Variants in SYT7 observed in about 807,000 individuals in gnomAD.
SYT7 encodes the protein synaptotagmin-7.
Under a neutral mutation model 75.1 loss-of-function variants are expected in SYT7, and 29 were observed. The observed-to-expected ratio is 0.39, with a 90% CI of 0.29 to 0.53. The LOEUF is 0.53. Ranked by LOEUF, SYT7 falls within the 20% of genes least tolerant of loss-of-function variation. SYT7 has a pLI of 0.77. For missense variants in SYT7, 693 were observed against 953.2 expected, an observed-to-expected ratio of 0.73 and a Z score of 3.59; for synonymous variants, 376 against 401.7, an observed-to-expected ratio of 0.94 and a Z score of 0.76.
chr11:61,514,118 T>C lies in SYT7; in HGVS notation c.*4509A>G, dbSNP rs1383524858. Among the ~76,000 whole-genome samples, 2 of 151,790 alleles carry C rather than the reference T, an allele frequency of 1.3e-5. No homozygotes were observed. Among genetic ancestry groups the C allele is most frequent in the African/African-American group, 2.4e-5 (1 of 41,284 alleles). On this transcript the variant is annotated 3_prime_UTR_variant, in exon 13 of 13. Coordinates refer to ENST00000539008, the MANE Select transcript of SYT7 (RefSeq NM_001365809.2). Reference sequence around the variant, plus strand: ...GAAGACAGACCCAGAGAAGCAAAAATGGAGGAAGGCAAAAAGTCCAGGGAA... The same window carrying C: ...GAAGACAGACCCAGAGAAGCAAAAACGGAGGAAGGCAAAAAGTCCAGGGAA...
chr11:61,539,114 C>T (rs2062967414), intron 6 of SYT7, among the ~76,000 whole-genome samples: 2 of 152,162 alleles, frequency 1.3e-5, no homozygotes, highest in Non-Finnish European at 2.9e-5. Context: ...CAAGCCAAGG[C>T]GGCGAGAAAG....
In SYT7 at chr11:61,514,334, C is replaced by A. The variant is rs1222981782; in HGVS notation, c.*4293G>T. 1.3e-5 allele frequency among the ~76,000 whole-genome samples: 2 copies of A among 152,230 alleles called. No individual in the cohort carries two copies. Among genetic ancestry groups the A allele is most frequent in the East Asian group, 3.9e-4 (2 of 5,190 alleles). On this transcript the variant is annotated 3_prime_UTR_variant, in exon 13 of 13. Coordinates refer to ENST00000539008, the MANE Select transcript of SYT7 (RefSeq NM_001365809.2). ...CTGGAACAGAGATCAGAAGTGATAT[C>A]TAAACCAGGTTGTGGGAAATGAGGG...
chr11:61,560,005 C>T (rs1406439061), intron 1 of SYT7, among the ~76,000 whole-genome samples: 5 of 152,134 alleles, frequency 3.3e-5, no homozygotes, highest in Admixed American at 3.3e-4. Flanking sequence ...AAGAGCTGAC[C>T]CTGACCCTTC....
Position 61,542,300 on chromosome 11 carries a change from C to T in SYT7, c.852G>A (p.Ala284=), listed in dbSNP as rs573747888. 35 of 1,534,224 alleles carry T rather than the reference C, an allele frequency of 2.3e-5. No homozygotes were observed. Among genetic ancestry groups the T allele is most frequent in the East Asian group, 7.4e-5 (3 of 40,672 alleles). ...GGTTGGAGCGGCTGCGGCCCCCTGC[C>T]GCCCGGTACTTGGAGCCGGCCGAGG... The part of the protein sequence containing the change: ...QGTSAGSKYR[A]AGGRSRSNPG... The change falls in exon 6 of 13, where the codon GCG becomes GCA. Residue 284 remains alanine, a synonymous_variant. Coordinates refer to ENST00000539008, the MANE Select transcript of SYT7 (RefSeq NM_001365809.2). The surrounding 1 kb of genome is among the most constrained non-coding windows in gnomAD (Gnocchi z 7.8).
chr11:61,537,288 G>A (rs557583320), intron 7 of SYT7, among the ~76,000 whole-genome samples: 2 of 152,316 alleles, frequency 1.3e-5, no homozygotes, highest in South Asian at 2.1e-4. Context: ...GTGGGATGCC[G>A]CCTGAACCCT....
Position 61,517,737 on chromosome 11 carries a change from T to C in SYT7, c.*890A>G. 1 of 396,044 alleles carries C rather than the reference T, an allele frequency of 2.5e-6. No homozygotes were observed. The highest frequency in any genetic ancestry group is 4.4e-6 in the Non-Finnish European group (1 of 225,300). 24.5% of individuals were successfully genotyped at this position (396,044 alleles called of 1,614,324 possible). ...GGAGATGAGTCCTGGTGGAATGCTA[T>C]GCACACAGTAGGTGCCTAAAAGGTG... On this transcript the variant is annotated 3_prime_UTR_variant, in exon 13 of 13. Coordinates refer to ENST00000539008, the MANE Select transcript of SYT7 (RefSeq NM_001365809.2).
At chr11:61,521,559 T>C (rs2062333366) in intron 12 of SYT7, among the ~76,000 whole-genome samples, 1 of 152,164 alleles carries the variant, frequency 6.6e-6, no homozygotes, top group Non-Finnish European at 1.5e-5. Context: ...CCCCGTGCCA[T>C]ACCTGATGGC....
chr11:61,551,666 G>A lies in SYT7; in HGVS notation c.136-203C>T, dbSNP rs1002105598. ...CGGTTGGCAGCTCCTGGGCCCCATC[G>A]GGCTCTAGGACCTGCCCCACCCACC... On this transcript the variant is annotated intron_variant, in intron 2 of 12. Transcript: ENST00000539008. The surrounding 1 kb of genome is among the most constrained non-coding windows in gnomAD (Gnocchi z 5.3). Among the ~76,000 whole-genome samples the A allele has an allele frequency of 1.3e-5, 2 of 152,024 alleles. No homozygotes were observed. Among genetic ancestry groups the A allele is most frequent in the Non-Finnish European group, 2.9e-5 (2 of 67,978 alleles).
At position 61,537,007 on chromosome 11, in the gene SYT7, A is replaced by G. The variant is rs113279057; in HGVS notation, c.1064+1137T>C. ...CATTCCTTAGAGGTTAGCCTGTCCAATCCTTCACTGGACAGATAAGTGAGC... is the reference window on the plus strand; with the variant it reads ...CATTCCTTAGAGGTTAGCCTGTCCAGTCCTTCACTGGACAGATAAGTGAGC... On this transcript the variant is annotated intron_variant, in intron 7 of 12. Coordinates refer to ENST00000539008, the MANE Select transcript of SYT7 (RefSeq NM_001365809.2). Among the ~76,000 whole-genome samples, 85 of 152,344 alleles carry G rather than the reference A, an allele frequency of 5.6e-4. 3 individuals are homozygous for G. The highest frequency in any genetic ancestry group is 1.4e-3 in the African/African-American group (58 of 41,590).
At position 61,523,425 on chromosome 11, in the gene SYT7, G is replaced by C. The variant is rs1037587618; in HGVS notation, c.1757-151C>G. On this transcript the variant is annotated intron_variant, in intron 11 of 12. Transcript: ENST00000539008. The surrounding 1 kb of genome is among the most constrained non-coding windows in gnomAD (Gnocchi z 5.0). Reference sequence around the variant, plus strand: ...ACCCAGGCAAGAACAAGAGGGACCTGGGAGAATCAGCAGATGGACCTTAGC... The same window carrying C: ...ACCCAGGCAAGAACAAGAGGGACCTCGGAGAATCAGCAGATGGACCTTAGC... The C allele has an allele frequency of 2.8e-6, 2 of 723,316 alleles. No homozygotes were observed. Among genetic ancestry groups the C allele is most frequent in the African/African-American group, 3.5e-5 (2 of 56,546 alleles). 44.8% of individuals were successfully genotyped at this position (723,316 alleles called of 1,614,324 possible). A position where few individuals can be genotyped will look rare whatever the true frequency, so the allele number is the denominator to read the frequency against.
At chr11:61,537,787 C>T (rs1322598761) in intron 7 of SYT7, among the ~76,000 whole-genome samples, 1 of 152,078 alleles carries the variant, frequency 6.6e-6, no homozygotes, top group Non-Finnish European at 1.5e-5. Flanking sequence ...ACCAGAGAAA[C>T]AGGGATTTCC....
At chr11:61,562,636 C>T (rs2063667955) in intron 1 of SYT7, among the ~76,000 whole-genome samples, 2 of 152,170 alleles carry the variant, frequency 1.3e-5, no homozygotes, top group Non-Finnish European at 2.9e-5. Flanking sequence ...TCAGAGGTCA[C>T]ATATTACTCA....
intron 9 of SYT7, among the ~76,000 whole-genome samples, chr11:61,527,020 C>T (rs1237869315): frequency 1.3e-5 from 2 of 152,122 alleles, no homozygotes; most frequent in African/African-American, 2.4e-5. Context: ...TTTGTCTAAG[C>T]GGGGTCCTGG....
intron 8 of SYT7, 95 bp from the exon 9 acceptor site, chr11:61,528,280 T>C: frequency 6.8e-7 from 1 of 1,471,294 alleles, no homozygotes; most frequent in South Asian, 1.3e-5. Flanking sequence ...CCAGAGGCGG[T>C]GGCCCAGCCC....
intron 1 of SYT7, 149 bp from the exon 2 acceptor site, chr11:61,556,356 G>A: frequency 1.6e-6 from 1 of 626,384 alleles, no homozygotes; most frequent in Admixed American, 2.9e-5. Flanking sequence ...GTTCTGCCTT[G>A]CTGGATGAAC....
At chr11:61,556,805 T>A (rs550117336) in intron 1 of SYT7, among the ~76,000 whole-genome samples, 1 of 152,192 alleles carries the variant, frequency 6.6e-6, no homozygotes, top group Non-Finnish European at 1.5e-5. Context: ...TCTGGCCAGC[T>A]GTTGCCCCCT....
rs114969602 is a variant in SYT7 at position 61,557,980 on chromosome 11, C to T, written c.32-1773G>A. ...ACTCCAGGGAAGGGATGGGCAAAGG[C>T]GCTTTCTGGACATGAGATCTGTTTC... On this transcript the variant is annotated intron_variant, in intron 1 of 12. Coordinates refer to ENST00000539008, the MANE Select transcript of SYT7 (RefSeq NM_001365809.2). Among the ~76,000 whole-genome samples, 1,167 of 152,336 alleles carry T rather than the reference C, an allele frequency of 7.7e-3. 22 individuals are homozygous for T. Among genetic ancestry groups the T allele is most frequent in the African/African-American group, 0.027 (1,129 of 41,562 alleles).
chr11:61,558,193 A>G (rs567254288), intron 1 of SYT7, among the ~76,000 whole-genome samples: 1 of 152,318 alleles, frequency 6.6e-6, no homozygotes, highest in East Asian at 1.9e-4. Flanking sequence ...ATGGTGGCTC[A>G]TGCCTGTAAT....
Position 61,523,967 on chromosome 11 carries a change from G to T in SYT7, c.1642-26C>A. ...CTGGGAGGCACGACAGGAGGGGTGT[G>T]GGGAACTAGGCTAGCAGAGCTCTCT... On this transcript the variant is annotated intron_variant, in intron 10 of 12. Coordinates refer to ENST00000539008, the MANE Select transcript of SYT7 (RefSeq NM_001365809.2). This position sits in a 1 kb window ranked among gnomAD's most constrained non-coding sequence, Gnocchi z 5.0. 6.2e-7 allele frequency: 1 copy of T among 1,605,308 alleles called. No homozygotes were observed. Among genetic ancestry groups the T allele is most frequent in the African/African-American group, 1.3e-5 (1 of 74,840 alleles).
Sources: gnomAD v4.1 joint callset for allele counts (sites outside exome capture counted in the v4.1 genomes callset) on GRCh38, gnomAD v4.1.1 for gene constraint, Gnocchi (gnomAD v3.1) non-coding constraint, MANE v1.5 for transcripts, NCBI Gene and HGNC (gene_info 2026-07-23, HGNC 2026-07-21) for gene names.